Variants in MAP4K5 observed in about 807,000 individuals in gnomAD.
MAP4K5 encodes the protein MAPK/ERK kinase kinase kinase 5.
A neutral mutation model predicts 135.6 loss-of-function variants in MAP4K5; 82 were observed. That is an observed-to-expected ratio of 0.60 (90% CI 0.51 to 0.73). MAP4K5 has a LOEUF of 0.73. MAP4K5 is among the 30% of genes least tolerant of loss of function. MAP4K5 has a pLI of 0.00. For synonymous variants in MAP4K5, 347 were observed against 335.0 expected, an observed-to-expected ratio of 1.04 and a Z score of -0.39; for missense variants, 907 against 1,010.9, an observed-to-expected ratio of 0.90 and a Z score of 1.39.
At chr14:50,491,826 CAG>C (rs1491431901) in intron 3 of MAP4K5, among the ~76,000 whole-genome samples, 2 of 151,952 alleles carry the variant, frequency 1.3e-5, no homozygotes, top group African/African-American at 4.8e-5. Flanking sequence ...GCTGGGATTA[CAG>C]GCACATGTCA....
rs77112119 is a variant in MAP4K5, at chr14:50,554,121, T to A, written c.-180+6919A>T. 2.6e-5 allele frequency among the ~76,000 whole-genome samples: 4 copies of A among 151,132 alleles called. 1 individual carries two copies. The highest frequency in any genetic ancestry group is 4.2e-4 in the South Asian group (2 of 4,804). On this transcript the variant is annotated intron_variant, in intron 1 of 8. Coordinates refer to the MAP4K5 transcript ENST00000555216. ...AAATTTTTAAAAAGTTTTTTTTTTT[T>A]AATCCACAAAAACCAATACGTACCC...
intron 3 of MAP4K5, among the ~76,000 whole-genome samples, chr14:50,488,500 T>A (rs1167060009): frequency 6.6e-6 from 1 of 152,238 alleles, no homozygotes; most frequent in Non-Finnish European, 1.5e-5. Flanking sequence ...TAGAACAGAT[T>A]TTCTCACAAG....
intron 2 of MAP4K5, among the ~76,000 whole-genome samples, chr14:50,515,370 C>T (rs931427322): frequency 1.3e-5 from 2 of 152,162 alleles, no homozygotes; most frequent in African/African-American, 4.8e-5. Context: ...ATCTCCTATC[C>T]TTTCAGCTCA....
At chr14:50,477,575 G>A (rs1033963868) in intron 6 of MAP4K5, among the ~76,000 whole-genome samples, 3 of 152,110 alleles carry the variant, frequency 2.0e-5, no homozygotes, top group Non-Finnish European at 2.9e-5. Context: ...AAAACATCCC[G>A]TCTTTTACCA....
intron 16 of MAP4K5, among the ~76,000 whole-genome samples, chr14:50,447,113 A>G (rs1235124339): frequency 2.0e-5 from 3 of 152,202 alleles, no homozygotes; most frequent in African/African-American, 7.2e-5. Context: ...AGAGGTAACT[A>G]TATTGGAGAG....
intron 10 of MAP4K5, among the ~76,000 whole-genome samples, chr14:50,467,484 T>C (rs2036858540): frequency 6.6e-6 from 1 of 152,062 alleles, no homozygotes; most frequent in African/African-American, 2.4e-5. Flanking sequence ...CATTAGTATT[T>C]ATAATTTTTT....
intron 3 of MAP4K5, among the ~76,000 whole-genome samples, chr14:50,489,083 T>C (rs1471858000): frequency 6.6e-6 from 1 of 152,198 alleles, no homozygotes; most frequent in Admixed American, 6.5e-5. Flanking sequence ...TTAATATTAC[T>C]TTCCACTGAG....
chr14:50,434,252 G>A (rs1388753947), intron 28 of MAP4K5, 142 bp downstream of exon 28: 4 of 614,608 alleles, frequency 6.5e-6, no homozygotes, highest in East Asian at 2.8e-5. Context: ...ATACGTACAC[G>A]GTTCTATGGG....
At chr14:50,545,579 A>C (rs552119745) in intron 1 of MAP4K5, among the ~76,000 whole-genome samples, 1 of 152,232 alleles carries the variant, frequency 6.6e-6, no homozygotes, top group Non-Finnish European at 1.5e-5. Context: ...GTTAAAGTAC[A>C]ATAAGAATAG....
At chr14:50,531,238 T>G (rs1168091445) in intron 2 of MAP4K5, among the ~76,000 whole-genome samples, 5 of 152,216 alleles carry the variant, frequency 3.3e-5, no homozygotes, top group Admixed American at 3.3e-4. Flanking sequence ...TAACTTACTC[T>G]CATCGTTTGT....
intron 32 of MAP4K5, among the ~76,000 whole-genome samples, chr14:50,420,584 A>C (rs548808930): frequency 1.3e-5 from 2 of 152,338 alleles, no homozygotes; most frequent in Middle Eastern, 3.4e-3. Context: ...GGAAACTGTG[A>C]TTGTGCCACT....
At chr14:50,451,031 GA>G (rs1444919798) in intron 14 of MAP4K5, among the ~76,000 whole-genome samples, 2 of 152,116 alleles carry the variant, frequency 1.3e-5, no homozygotes, top group African/African-American at 4.8e-5. Flanking sequence ...GGATTTAAGA[GA>G]AAAGATAGAC....
chr14:50,453,358 C>A (rs1298457874), intron 14 of MAP4K5, among the ~76,000 whole-genome samples: 2 of 151,864 alleles, frequency 1.3e-5, no homozygotes, highest in Non-Finnish European at 2.9e-5. Context: ...ATCTGTCTTG[C>A]CATTCATAAA....
chr14:50,422,942 A>G (rs1372213858), intron 32 of MAP4K5, among the ~76,000 whole-genome samples, 179 bp downstream of exon 32: 2 of 152,132 alleles, frequency 1.3e-5, no homozygotes, highest in East Asian at 3.8e-4. Flanking sequence ...CACTGACAAA[A>G]GGTTGCTTAG....
intron 5 of MAP4K5, among the ~76,000 whole-genome samples, chr14:50,484,850 A>C (rs944673960): frequency 6.6e-6 from 1 of 152,216 alleles, no homozygotes; most frequent in Non-Finnish European, 1.5e-5. Flanking sequence ...CAATATAAAG[A>C]TTTCAGCATA....
intron 1 of MAP4K5, among the ~76,000 whole-genome samples, chr14:50,548,844 A>C (rs962739231): frequency 6.6e-6 from 1 of 152,114 alleles, no homozygotes; most frequent in East Asian, 1.9e-4. Flanking sequence ...GAATCCCACT[A>C]TACAGTCCTA....
chr14:50,463,947 T>G, intron 12 of MAP4K5, 105 bp downstream of exon 12: 1 of 474,548 alleles, frequency 2.1e-6, no homozygotes. Context: ...ACCCCTGCTG[T>G]AAGAGATCAC....
chr14:50,537,713 G>C (rs1378144940), intron 2 of MAP4K5, among the ~76,000 whole-genome samples: 1 of 152,214 alleles, frequency 6.6e-6, no homozygotes, highest in Non-Finnish European at 1.5e-5. Flanking sequence ...AGATCATTTT[G>C]GATCTTTAAG....
intron 1 of MAP4K5, among the ~76,000 whole-genome samples, chr14:50,551,303 T>C (rs1252144563): frequency 6.6e-6 from 1 of 151,840 alleles, no homozygotes; most frequent in Non-Finnish European, 1.5e-5. Flanking sequence ...CCTGGAAATG[T>C]ACAACCCTCC....
Sources: allele counts gnomAD v4.1 joint callset (sites outside exome capture counted in the v4.1 genomes callset), GRCh38; gene constraint gnomAD v4.1.1; transcripts MANE v1.5; gene names NCBI Gene and HGNC (gene_info 2026-07-23, HGNC 2026-07-21).